PDE1C: variants seen among roughly 807,000 people sequenced by gnomAD.
PDE1C encodes the protein phosphodiesterase 1C.
PDE1C carries 62 observed loss-of-function variants against 93.1 expected under a neutral mutation model. The ratio of observed to expected loss-of-function variants is 0.67; its 90% CI spans 0.54 to 0.82. The LOEUF (loss-of-function observed/expected upper bound fraction) is 0.82. Ranked by LOEUF, PDE1C falls within the 40% of genes least tolerant of loss-of-function variation. The probability of loss-of-function intolerance (pLI) is 0.00; values close to 1 mark genes in which losing one functional copy is unlikely to be tolerated. For synonymous variants in PDE1C, 325 were observed against 310.1 expected (o/e 1.05, Z -0.50); for missense variants, 742 against 884.6 (o/e 0.84, Z 2.04).
intron 3 of PDE1C, among the ~76,000 whole-genome samples, chr7:32,156,470 T>A (rs1009004100): frequency 6.6e-6 from 1 of 152,214 alleles, no homozygotes; most frequent in Non-Finnish European, 1.5e-5. Context: ...CACATCTTCA[T>A]ATTCTAAGTC....
chr7:32,376,156 C>CAA (rs201656470), intron 1 of PDE1C, among the ~76,000 whole-genome samples: 4 of 147,142 alleles, frequency 2.7e-5, no homozygotes, highest in African/African-American at 1.0e-4. Context: ...GAGACTCTGT[C>CAA]AAAAAAAGAA....
At chr7:32,038,659 C>T (rs999351088) in intron 2 of PDE1C, among the ~76,000 whole-genome samples, 24 of 152,118 alleles carry the variant, frequency 1.6e-4, no homozygotes, top group African/African-American at 5.8e-4. Context: ...TGATATATTG[C>T]CTTTTTACAG....
Position 32,427,190 on chromosome 7 carries a change from T to C in PDE1C, c.310+632A>G, listed in dbSNP as rs75577682. On this transcript the variant is annotated intron_variant, in intron 1 of 1. Coordinates refer to the PDE1C transcript ENST00000672256. ...GAATATTTGCATAGTATTTTACAGTTTTCACAGCCTTTCTACTTACATTGT... is the reference window on the plus strand; with the variant it reads ...GAATATTTGCATAGTATTTTACAGTCTTCACAGCCTTTCTACTTACATTGT... Among the ~76,000 whole-genome samples, 677 of 152,322 alleles carry C rather than the reference T, an allele frequency of 4.4e-3. 7 individuals are homozygous for C. Among genetic ancestry groups the C allele is most frequent in the African/African-American group, 0.016 (659 of 41,552 alleles).
intron 5 of PDE1C, among the ~76,000 whole-genome samples, chr7:31,873,612 T>C (rs1796202133): frequency 6.6e-6 from 1 of 152,228 alleles, no homozygotes; most frequent in Non-Finnish European, 1.5e-5. Flanking sequence ...GTCTTATTAC[T>C]AATACAAATA....
At position 32,374,119 on chromosome 7, in the gene PDE1C, G is replaced by GGAAGGA. The variant is rs1554313913; in HGVS notation, c.310+53702_310+53703insTCCTTC. 8.0e-5 allele frequency among the ~76,000 whole-genome samples: 10 copies of GGAAGGA among 125,764 alleles called. 1 individual carries two copies. Among genetic ancestry groups the GGAAGGA allele is most frequent in the East Asian group, 2.3e-4 (1 of 4,348 alleles). The allele number at this position is 125,764 out of a possible 152,430, so 82.5% of individuals were successfully genotyped here. On this transcript the variant is annotated intron_variant, in intron 1 of 1. Coordinates refer to the PDE1C transcript ENST00000672256. ...GGGAGGGAGGGAAGGAAGGAAGGAA[G>GGAAGGA]GAGAGAGAGAAGAAAGAGACGAAAG...
At chr7:32,089,558 A>C (rs1366496157) in intron 3 of PDE1C, among the ~76,000 whole-genome samples, 8 of 152,244 alleles carry the variant, frequency 5.3e-5, no homozygotes, top group Non-Finnish European at 1.2e-4. Context: ...GTCGAAGGCT[A>C]CAAGTGCAGA....
intron 1 of PDE1C, among the ~76,000 whole-genome samples, chr7:32,224,967 G>A (rs1023161810): frequency 1.3e-5 from 2 of 150,736 alleles, no homozygotes; most frequent in East Asian, 2.0e-4. Flanking sequence ...GCAATGAAGA[G>A]ATCCCCCAGG....
chr7:32,335,066 T>G (rs532425130), intron 1 of PDE1C, among the ~76,000 whole-genome samples: 4 of 152,338 alleles, frequency 2.6e-5, no homozygotes, highest in African/African-American at 9.6e-5. Flanking sequence ...TGTGAAATAT[T>G]TACGAACATC....
chr7:31,931,316 C>A (rs534524556), intron 2 of PDE1C, among the ~76,000 whole-genome samples: 1 of 152,256 alleles, frequency 6.6e-6, no homozygotes, highest in South Asian at 2.1e-4. Flanking sequence ...TTGCAGATGA[C>A]ATGATTGTAT....
chr7:32,152,138 G>A lies in PDE1C; in HGVS notation c.308+17647C>T, dbSNP rs1185581309. ...ACCCCATCTCCTTGCTCTGGAGTAGGGCATGACTCCATTCTCTGTGCTCCT... is the reference window on the plus strand; with the variant it reads ...ACCCCATCTCCTTGCTCTGGAGTAGAGCATGACTCCATTCTCTGTGCTCCT... On this transcript the variant is annotated intron_variant, in intron 3 of 18. Coordinates refer to the PDE1C transcript ENST00000396193. Among the ~76,000 whole-genome samples the A allele has an allele frequency of 3.9e-5, 6 of 152,204 alleles. No homozygotes were observed. The East Asian group carries it at 9.7e-4, about 25-fold the overall frequency.
intron 1 of PDE1C, among the ~76,000 whole-genome samples, chr7:32,243,988 C>G (rs1808729112): frequency 6.6e-6 from 1 of 152,192 alleles, no homozygotes; most frequent in Non-Finnish European, 1.5e-5. Flanking sequence ...ACAAAAGCTA[C>G]TATGAGATAC....
chr7:32,284,126 C>T (rs151139196), intron 1 of PDE1C, among the ~76,000 whole-genome samples: 5 of 152,266 alleles, frequency 3.3e-5, no homozygotes, highest in Admixed American at 1.3e-4. Context: ...CTAATACACC[C>T]GTAACCCATA....
chr7:32,400,435 T>C (rs548178305), intron 1 of PDE1C, among the ~76,000 whole-genome samples: 2 of 151,986 alleles, frequency 1.3e-5, no homozygotes, highest in African/African-American at 2.4e-5. Context: ...AAAAAGAAAA[T>C]GGGAGTCTGT....
the PDE1C span, among the ~76,000 whole-genome samples, chr7:31,616,883 C>T: frequency 0.043 from 6,496 of 152,184 alleles, 227 homozygotes; most frequent in Non-Finnish European, 0.067. Flanking sequence ...ACCCAAACCT[C>T]TCTTGCTTAC....
At chr7:31,945,286 GAAA>G (rs112174177) in intron 2 of PDE1C, among the ~76,000 whole-genome samples, 3,765 of 151,938 alleles carry the variant, frequency 0.025, 73 homozygotes, top group African/African-American at 0.053. Flanking sequence ...TAAAAAATAA[GAAA>G]AAAAGATTTT....
At chr7:31,962,569 C>T (rs531682867) in intron 2 of PDE1C, among the ~76,000 whole-genome samples, 10 of 152,320 alleles carry the variant, frequency 6.6e-5, no homozygotes, top group African/African-American at 1.7e-4. Context: ...GGAACTAAAA[C>T]TGTGTAGCCT....
At position 31,875,793 on chromosome 7, in the gene PDE1C, C is replaced by CTATATATATATATATATATA. The variant is rs71559206; in HGVS notation, c.492+2157_492+2176dup. ...AACACCTCAAGTTAGAAGCTTACATCTATATATATATATATATATATATAT... is the reference window on the plus strand; with the variant it reads ...AACACCTCAAGTTAGAAGCTTACATCTATATATATATATATATATATATATATATATATATATATATATAT... On this transcript the variant is annotated intron_variant, in intron 5 of 17. Coordinates refer to ENST00000396191, the MANE Select transcript of PDE1C (RefSeq NM_001191057.4). 6.5e-4 allele frequency among the ~76,000 whole-genome samples: 28 copies of CTATATATATATATATATATA among 43,086 alleles called. 1 individual carries two copies. The highest frequency in any genetic ancestry group is 8.3e-4 in the Non-Finnish European group (14 of 16,836). The allele number at this position is 43,086 out of a possible 152,430, so 28.3% of individuals were successfully genotyped here. A position where few individuals can be genotyped will look rare whatever the true frequency, so the allele number is the denominator to read the frequency against.
intron 17 of PDE1C, among the ~76,000 whole-genome samples, chr7:31,753,797 T>C (rs1446301346): frequency 6.6e-6 from 1 of 152,138 alleles, no homozygotes; most frequent in Non-Finnish European, 1.5e-5. Flanking sequence ...CTGCAGTACA[T>C]AAAGGTCCTT....
chr7:32,250,004 A>T (rs969193446), intron 1 of PDE1C, among the ~76,000 whole-genome samples: 2 of 152,212 alleles, frequency 1.3e-5, no homozygotes, highest in Non-Finnish European at 2.9e-5. Context: ...CAGGATATAC[A>T]GTTAACTTTT....
Sources: gnomAD v4.1 joint callset for allele counts (sites outside exome capture counted in the v4.1 genomes callset) on GRCh38, gnomAD v4.1.1 for gene constraint, MANE v1.5 for transcripts, NCBI Gene and HGNC (gene_info 2026-07-23, HGNC 2026-07-21) for gene names.